Variants in DPP10 observed in about 807,000 individuals in gnomAD.
DPP10 encodes the protein inactive dipeptidyl peptidase 10.
In DPP10, 33 loss-of-function variants were observed where a neutral mutation model predicts 120.9. The ratio of observed to expected loss-of-function variants is 0.27; its 90% confidence interval spans 0.21 to 0.37. DPP10 has a LOEUF of 0.37. Among genes scored for constraint, DPP10 ranks in the 10% least tolerant of loss-of-function variants. DPP10 has a pLI of 1.00. For synonymous variants in DPP10, 337 were observed against 326.1 expected (o/e 1.03, Z -0.36); for missense variants, 816 against 942.8 (o/e 0.87, Z 1.76).
intron 3 of DPP10, among the ~76,000 whole-genome samples, chr2:115,353,337 G>T (rs1195639949): frequency 6.6e-6 from 1 of 152,112 alleles, no homozygotes; most frequent in African/African-American, 2.4e-5. Flanking sequence ...TGCTGTGTAT[G>T]TGTGTTCGGG....
chr2:115,267,771 C>T (rs913285469), intron 1 of DPP10, among the ~76,000 whole-genome samples: 3 of 152,290 alleles, frequency 2.0e-5, no homozygotes, highest in East Asian at 3.9e-4. Flanking sequence ...AGAGCCTTCA[C>T]GATGGCTCCC....
At chr2:115,327,758 A>G (rs1166735031) in intron 2 of DPP10, among the ~76,000 whole-genome samples, 1 of 152,064 alleles carries the variant, frequency 6.6e-6, no homozygotes, top group East Asian at 1.9e-4. Context: ...CACCACACAG[A>G]TATTCAAAAG....
chr2:115,327,764 A>G (rs2062452785), intron 2 of DPP10, among the ~76,000 whole-genome samples: 1 of 152,060 alleles, frequency 6.6e-6, no homozygotes, highest in Non-Finnish European at 1.5e-5. Flanking sequence ...ACAGATATTC[A>G]AAAGATGTTG....
chr2:115,220,099 G>A (rs1356229932), intron 1 of DPP10, among the ~76,000 whole-genome samples: 1 of 152,046 alleles, frequency 6.6e-6, no homozygotes, highest in East Asian at 1.9e-4. Flanking sequence ...TTCTTATTTT[G>A]GAGTTACAGA....
intron 3 of DPP10, among the ~76,000 whole-genome samples, chr2:115,377,010 A>G (rs1378316993): frequency 3.3e-5 from 5 of 150,578 alleles, no homozygotes. Context: ...CACAATAAAC[A>G]TACATGTGCA....
intron 5 of DPP10, among the ~76,000 whole-genome samples, chr2:115,580,818 AT>A (rs373109470): frequency 1.0e-3 from 154 of 151,680 alleles, no homozygotes; most frequent in African/African-American, 3.4e-3. Flanking sequence ...TGTCAATTAC[AT>A]TTTTTTTCCC....
At position 114,888,897 on chromosome 2, in the gene DPP10, A is replaced by C. The variant is rs371052017; in HGVS notation, c.61-420342A>C. Among the ~76,000 whole-genome samples, 7 of 152,278 alleles carry C rather than the reference A, an allele frequency of 4.6e-5. No homozygotes were observed. The East Asian group carries it at 5.8e-4, about 13-fold the overall frequency. On this transcript the variant is annotated intron_variant, in intron 1 of 25. Transcript: ENST00000410059. ...ATCTCATAGCCCTTGTCATGGACTG[A>C]ATTGTGCCCCTCCCAAATTCGTGTG...
intron 1 of DPP10, among the ~76,000 whole-genome samples, chr2:115,247,326 A>G (rs1296759284): frequency 6.6e-6 from 1 of 152,166 alleles, no homozygotes; most frequent in Non-Finnish European, 1.5e-5. Context: ...GATCATCCGT[A>G]TACAGGTGGC....
intron 1 of DPP10, among the ~76,000 whole-genome samples, chr2:114,666,765 T>C (rs1697953252): frequency 6.6e-6 from 1 of 152,146 alleles, no homozygotes; most frequent in Non-Finnish European, 1.5e-5. Flanking sequence ...CTCAAAATAA[T>C]ACTGTTATAG....
intron 1 of DPP10, among the ~76,000 whole-genome samples, chr2:114,860,695 G>C (rs989380770): frequency 3.3e-5 from 5 of 152,160 alleles, no homozygotes; most frequent in African/African-American, 1.2e-4. Context: ...GATAGCCTGT[G>C]ATATTTAGTG....
At chr2:114,693,061 C>T (rs1699863269) in intron 1 of DPP10, among the ~76,000 whole-genome samples, 1 of 151,970 alleles carries the variant, frequency 6.6e-6, no homozygotes, top group Non-Finnish European at 1.5e-5. Flanking sequence ...TTAATTGGGG[C>T]ATTAAGCCCA....
intron 5 of DPP10, among the ~76,000 whole-genome samples, chr2:115,532,573 C>T (rs1336658650): frequency 2.0e-5 from 3 of 151,968 alleles, no homozygotes; most frequent in Non-Finnish European, 4.4e-5. Context: ...ACTTAATATA[C>T]TTCTCCAGAC....
chr2:115,589,256 T>C (rs904753193), intron 5 of DPP10, among the ~76,000 whole-genome samples: 1 of 152,186 alleles, frequency 6.6e-6, no homozygotes, highest in African/African-American at 2.4e-5. Context: ...TATTAATCCA[T>C]TCACCAAAAT....
intron 3 of DPP10, among the ~76,000 whole-genome samples, chr2:115,394,332 T>C (rs1314151369): frequency 6.6e-6 from 1 of 152,018 alleles, no homozygotes; most frequent in Non-Finnish European, 1.5e-5. Context: ...CTCCTAAAAA[T>C]GTCAGTAAAA....
At chr2:115,080,561 A>C (rs545147977) in intron 1 of DPP10, among the ~76,000 whole-genome samples, 4 of 152,248 alleles carry the variant, frequency 2.6e-5, no homozygotes, top group South Asian at 2.1e-4. Context: ...TTCTTCTATG[A>C]ATTGTCTGTG....
At chr2:115,588,638 C>T (rs76875590) in intron 5 of DPP10, among the ~76,000 whole-genome samples, 1 of 152,158 alleles carries the variant, frequency 6.6e-6, no homozygotes, top group African/African-American at 2.4e-5. Context: ...AAATGTCAGT[C>T]CCACATCAAA....
chr2:115,430,988 A>G (rs2070923227), intron 3 of DPP10, among the ~76,000 whole-genome samples: 2 of 152,338 alleles, frequency 1.3e-5, no homozygotes, highest in African/African-American at 4.8e-5. Flanking sequence ...ATCTGCATGC[A>G]GTACTCTGCC....
At chr2:114,562,060 T>G (rs1688809230) in intron 1 of DPP10, among the ~76,000 whole-genome samples, 1 of 152,224 alleles carries the variant, frequency 6.6e-6, no homozygotes, top group Non-Finnish European at 1.5e-5. Flanking sequence ...ACTATGGGGC[T>G]TAGCCCTTAG....
At chr2:114,455,724 C>CATTT (rs775108704) in intron 1 of DPP10, among the ~76,000 whole-genome samples, 881 of 85,368 alleles carry the variant, frequency 0.01, 7 homozygotes, top group African/African-American at 0.029. Context: ...CCCACAAATT[C>CATTT]ATTTGTTTTT....
Sources: gnomAD v4.1 joint callset for allele counts (sites outside exome capture counted in the v4.1 genomes callset) on GRCh38, gnomAD v4.1.1 for gene constraint, MANE v1.5 for transcripts, NCBI Gene and HGNC (gene_info 2026-07-23, HGNC 2026-07-21) for gene names.